Variants in OR2L13 observed in about 807,000 individuals in gnomAD.
The protein encoded by OR2L13 is olfactory receptor 2L13.
Under a neutral mutation model 15.3 loss-of-function variants are expected in OR2L13, and 14 were observed. That is an observed-to-expected ratio of 0.91 (90% confidence interval 0.60 to 1.43). The LOEUF is 1.43. Ranked by LOEUF, OR2L13 falls within the 40% of genes most tolerant of loss-of-function variation. The probability of loss-of-function intolerance (pLI) is 0.00; values close to 1 mark genes in which losing one functional copy is unlikely to be tolerated. For synonymous variants in OR2L13, 152 were observed against 142.9 expected (o/e 1.06, Z -0.45); for missense variants, 367 against 387.9 (o/e 0.95, Z 0.45).
At chr1:248,083,800 T>C in the OR2L13 span, 4 of 1,613,834 alleles carry the variant, frequency 2.5e-6, no homozygotes, top group East Asian at 4.5e-5. Flanking sequence ...TCGTGGTTAG[T>C]GGACCTGTGG....
At chr1:248,075,360 A>G in the OR2L13 span, among the ~76,000 whole-genome samples, 1 of 152,240 alleles carries the variant, frequency 6.6e-6, no homozygotes, top group African/African-American at 2.4e-5. Flanking sequence ...TCCTTTGGGT[A>G]TATACCCAGT....
At chr1:247,996,165 T>C in the OR2L13 span, among the ~76,000 whole-genome samples, 1 of 152,212 alleles carries the variant, frequency 6.6e-6, no homozygotes, top group Admixed American at 6.6e-5. Flanking sequence ...GGTGTTTTGG[T>C]CTGCTACCAC....
the OR2L13 span, chr1:247,966,094 A>C: frequency 8.7e-6 from 14 of 1,613,952 alleles, no homozygotes; most frequent in Non-Finnish European, 1.1e-5. Flanking sequence ...AGCTGTTTCC[A>C]CTTGTTCCTC....
At chr1:248,018,096 A>G in the OR2L13 span, among the ~76,000 whole-genome samples, 1 of 150,204 alleles carries the variant, frequency 6.7e-6, no homozygotes, top group South Asian at 2.1e-4. Flanking sequence ...CGGAGCTTGC[A>G]GTGAGCCGAG....
At chr1:247,957,120 T>G in the OR2L13 span, among the ~76,000 whole-genome samples, 2 of 148,228 alleles carry the variant, frequency 1.3e-5, no homozygotes, top group Non-Finnish European at 3.0e-5. Flanking sequence ...ATATGTCCCT[T>G]CAATACCTAA....
rs567559319 is a variant in OR2L13 at position 248,099,157 on chromosome 1, A to T, written c.-18-201A>T. 3.9e-5 allele frequency among the ~76,000 whole-genome samples: 6 copies of T among 152,324 alleles called. No individual in the cohort carries two copies. The South Asian group carries it at 1.2e-3, about 32-fold the overall frequency. ...CTGTCATCTACAGTAATGAAAATCA[A>T]ACTATAAGAACAGAAAGTGAATATC... is the stretch of plus-strand genomic sequence containing the variant. On this transcript the variant is annotated intron_variant, in intron 2 of 2. Coordinates refer to ENST00000641714, the Ensembl canonical transcript of OR2L13.
chr1:248,012,337 G>A, the OR2L13 span, among the ~76,000 whole-genome samples: 7 of 152,040 alleles, frequency 4.6e-5, no homozygotes, highest in Non-Finnish European at 1.0e-4. Context: ...AGATCCAGAC[G>A]GCAGACTTCC....
the OR2L13 span, among the ~76,000 whole-genome samples, chr1:248,082,928 G>T: frequency 9.2e-5 from 14 of 152,124 alleles, no homozygotes; most frequent in African/African-American, 3.4e-4. Context: ...GTAGAAAAGA[G>T]AACTTAGTTG....
the OR2L13 span, chr1:248,002,979 G>A: frequency 1.9e-5 from 11 of 570,902 alleles, no homozygotes; most frequent in East Asian, 3.0e-4. Context: ...ATCTGGACCT[G>A]GGCCTTTTCT....
the OR2L13 span, among the ~76,000 whole-genome samples, chr1:248,075,078 T>C: frequency 6.6e-6 from 1 of 152,106 alleles, no homozygotes; most frequent in Admixed American, 6.6e-5. Context: ...TGTGTCCAAG[T>C]GATCTCATCG....
At chr1:248,049,532 T>C in the OR2L13 span, among the ~76,000 whole-genome samples, 26 of 152,188 alleles carry the variant, frequency 1.7e-4, no homozygotes, top group African/African-American at 6.0e-4. Flanking sequence ...AAAATATCTT[T>C]CATTTAGAGT....
At chr1:248,041,259 A>G in the OR2L13 span, 1 of 152,164 alleles carries the variant, frequency 6.6e-6, no homozygotes, top group Non-Finnish European at 1.5e-5. Context: ...GCAATGGGGA[A>G]AGGATTCCCT....
At chr1:247,970,830 A>G in the OR2L13 span, among the ~76,000 whole-genome samples, 1 of 152,194 alleles carries the variant, frequency 6.6e-6, no homozygotes, top group African/African-American at 2.4e-5. Context: ...TCAACGTGGT[A>G]CATGGAGCTA....
chr1:247,958,305 G>C, the OR2L13 span, among the ~76,000 whole-genome samples: 1 of 152,194 alleles, frequency 6.6e-6, no homozygotes. Flanking sequence ...TGGTCTGAGA[G>C]ACAGTTTGTT....
chr1:247,969,517 C>G, the OR2L13 span, among the ~76,000 whole-genome samples: 5 of 152,134 alleles, frequency 3.3e-5, no homozygotes, highest in Admixed American at 3.3e-4. Flanking sequence ...GGATTGGATG[C>G]TTTCCCAAGA....
chr1:247,965,538 AC>A, the OR2L13 span: 3 of 1,611,808 alleles, frequency 1.9e-6, no homozygotes, highest in African/African-American at 4.0e-5. Flanking sequence ...TGAACACCAG[AC>A]TCCACACTCC....
chr1:247,939,961 A>C, the OR2L13 span, among the ~76,000 whole-genome samples: 984 of 152,328 alleles, frequency 6.5e-3, 14 homozygotes, highest in African/African-American at 0.022. Context: ...TATTAAAAAC[A>C]TGTACTAATA....
chr1:248,096,382 CAA>C (rs199591339), upstream of OR2L13, among the ~76,000 whole-genome samples: 15 of 114,316 alleles, frequency 1.3e-4, no homozygotes, highest in Non-Finnish European at 1.6e-4. Flanking sequence ...GACTCTGTCT[CAA>C]AAAAAAAAAA....
the OR2L13 span, chr1:248,045,639 TAAGAA>T: frequency 6.6e-6 from 1 of 152,222 alleles, no homozygotes; most frequent in Non-Finnish European, 1.5e-5. Context: ...GTTGTAAACT[TAAGAA>T]AGGAATTCTT....
Sources: gnomAD v4.1 joint callset for allele counts (sites outside exome capture counted in the v4.1 genomes callset) on GRCh38, gnomAD v4.1.1 for gene constraint, MANE v1.5 for transcripts, NCBI Gene and HGNC (gene_info 2026-07-23, HGNC 2026-07-21) for gene names.